SDAD1: variants seen among roughly 807,000 people sequenced by gnomAD.
SDAD1 encodes protein SDA1 homolog.
In SDAD1, 79 loss-of-function variants were observed where a neutral mutation model predicts 100.3. The observed-to-expected ratio is 0.79, with a 90% confidence interval of 0.66 to 0.95. The LOEUF (loss-of-function observed/expected upper bound fraction) is 0.95. SDAD1 is among the 40% of genes least tolerant of loss of function. The pLI, the probability that SDAD1 is intolerant of heterozygous loss-of-function variation, is 0.00. For synonymous variants in SDAD1, 267 were observed against 271.4 expected, an observed-to-expected ratio of 0.98 and a Z score of 0.16; for missense variants, 790 against 810.9, an observed-to-expected ratio of 0.97 and a Z score of 0.31.
Position 75,990,926 on chromosome 4 carries a change from G to C in SDAD1, c.-85C>G, listed in dbSNP as rs984069214. 115 of 1,535,788 alleles carry C rather than the reference G, an allele frequency of 7.5e-5. No individual in the cohort carries two copies. Among genetic ancestry groups the C allele is most frequent in the Non-Finnish European group, 9.5e-5 (106 of 1,115,656 alleles). ...CCGCAATCCCTGCCAGCTGCAGCTTGGACTCGTGTTTCCGGGTATGACCGG... is the reference window on the plus strand; with the variant it reads ...CCGCAATCCCTGCCAGCTGCAGCTTCGACTCGTGTTTCCGGGTATGACCGG... On this transcript the variant is annotated 5_prime_UTR_variant, in exon 1 of 22. Transcript: ENST00000356260.
Position 75,974,049 on chromosome 4 carries a change from C to G in SDAD1, c.636+27G>C, listed in dbSNP as rs753969820. The G allele has an allele frequency of 1.9e-6, 3 of 1,603,232 alleles. No homozygotes were observed. In the South Asian group the frequency reaches 3.3e-5, roughly 18 times the overall value. ...AGAAGCAGACCATCCACAGACAGAG[C>G]TTACACACAGCCCTATAGGTGCTCA... is the stretch of plus-strand genomic sequence containing the variant. On this transcript the variant is annotated intron_variant, in intron 7 of 21. Coordinates refer to ENST00000356260, the MANE Select transcript of SDAD1 (RefSeq NM_018115.4).
rs368304771 is a variant in SDAD1 at position 75,967,351 on chromosome 4, G to A, written c.988-17C>T. 8.8e-5 allele frequency: 141 copies of A among 1,611,314 alleles called. No individual in the cohort carries two copies. In the African/African-American group the frequency reaches 1.6e-3, roughly 19 times the overall value. On this transcript the variant is annotated splice_polypyrimidine_tract_variant and intron_variant, in intron 11 of 21. Coordinates refer to ENST00000356260, the MANE Select transcript of SDAD1 (RefSeq NM_018115.4). ...GAGGAAAAGCTGTGGAGAGAAAACC[G>A]ACTTTAATACTGATGCAGCTGACAC...
At position 75,960,170 on chromosome 4, in the gene SDAD1, A is replaced by G. The variant is rs764302142; in HGVS notation, c.1379T>C (p.Ile460Thr). Reference sequence around the variant, plus strand: ...TCCATATTCTTGTACTCTTGCTTCTATGGAGGCCTCTGTAGGCTTACCCTA... The same window carrying G: ...TCCATATTCTTGTACTCTTGCTTCTGTGGAGGCCTCTGTAGGCTTACCCTA... Reference protein sequence around the residue: ...KFRGKPTEASIEARVQEYGEL... With the variant: ...KFRGKPTEASTEARVQEYGEL... Residue 460 changes from isoleucine (I) to threonine (T), a missense_variant, in exon 17 of 22, where the codon ATA (isoleucine) becomes ACA (threonine). Transcript: ENST00000356260. 2.5e-6 allele frequency: 4 copies of G among 1,607,092 alleles called. No individual in the cohort carries two copies. The highest frequency in any genetic ancestry group is 1.1e-5 in the South Asian group (1 of 89,540).
At chr4:75,982,831 A>T (rs1414988561) in intron 1 of SDAD1, among the ~76,000 whole-genome samples, 3 of 148,052 alleles carry the variant, frequency 2.0e-5, no homozygotes, top group Non-Finnish European at 4.5e-5. Flanking sequence ...GTTCTGGTAT[A>T]CATGTGCAGA....
chr4:75,981,813 T>C lies in SDAD1; in HGVS notation c.195+120A>G, dbSNP rs115277105. 3,020 of 829,264 alleles carry C rather than the reference T, an allele frequency of 3.6e-3. 18 individuals are homozygous for C. The highest frequency in any genetic ancestry group is 5.2e-3 in the Middle Eastern group (14 of 2,678). 51.4% of individuals were successfully genotyped at this position (829,264 alleles called of 1,614,324 possible). A position where few individuals can be genotyped will look rare whatever the true frequency, so the allele number is the denominator to read the frequency against. ...AAATAAAATTTGCAAAAAGGGAAAG[T>C]TAGAAAAATATTTTAATTAAGTTCC... On this transcript the variant is annotated intron_variant, in intron 2 of 21. Transcript: ENST00000356260.
chr4:75,961,345 T>C, intron 14 of SDAD1, 37 bp from the exon 15 acceptor site: 1 of 1,467,580 alleles, frequency 6.8e-7, no homozygotes, highest in Non-Finnish European at 9.5e-7. Flanking sequence ...AGAGCCCGAA[T>C]AGCAATTTTT....
At chr4:75,965,199 C>G (rs973460738) in intron 13 of SDAD1, among the ~76,000 whole-genome samples, 28 of 152,238 alleles carry the variant, frequency 1.8e-4, no homozygotes, top group African/African-American at 6.7e-4. Flanking sequence ...GGACATCTGT[C>G]TTTTAAGGTT....
intron 1 of SDAD1, 122 bp from the exon 2 acceptor site, chr4:75,982,159 A>G (rs867396561): frequency 3.0e-5 from 18 of 605,468 alleles, no homozygotes; most frequent in South Asian, 3.0e-4. Context: ...AGATAATGCA[A>G]AAGTATATAA....
chr4:75,950,922 G>T, intron 21 of SDAD1, 125 bp from the exon 22 acceptor site: 1 of 572,198 alleles, frequency 1.7e-6, no homozygotes, highest in Non-Finnish European at 3.2e-6. Context: ...AACTATAAAT[G>T]ATAAAATATT....
rs755740389 is a variant in SDAD1 at position 75,990,771 on chromosome 4, G to A, written c.71C>T (p.Pro24Leu). The A allele has an allele frequency of 8.7e-6, 14 of 1,614,036 alleles. No homozygotes were observed. The highest frequency in any genetic ancestry group is 1.3e-5 in the African/African-American group (1 of 74,938). ...TCCCACCTCCTCGATGTAGGCCGGC[G>A]GGTCTCGCTTGATTAGATTCTGTAA... ...PQLQNLIKRD[P>L]PAYIEEFLQQ... The change falls in exon 1 of 22, where the codon CCG becomes CTG. Residue 24 changes from proline (P) to leucine (L), a missense_variant. By Grantham distance (98) the Pro-to-Leu change is moderately conservative. Coordinates refer to ENST00000356260, the MANE Select transcript of SDAD1 (RefSeq NM_018115.4).
chr4:75,950,710 A>C lies in SDAD1; in HGVS notation c.*40T>G, dbSNP rs1728581850. The C allele has an allele frequency of 6.9e-7, 1 of 1,459,028 alleles. No individual in the cohort carries two copies. Among genetic ancestry groups the C allele is most frequent in the African/African-American group, 1.4e-5 (1 of 71,826 alleles). The allele number at this position is 1,459,028 out of a possible 1,614,324, so 90.4% of individuals were successfully genotyped here. A position where few individuals can be genotyped will look rare whatever the true frequency, so the allele number is the denominator to read the frequency against. ...TACCAATTTTCAGAGCAAGGACACAAACTTAGCATTCTTCTAGGAATGGAA... is the reference window on the plus strand; with the variant it reads ...TACCAATTTTCAGAGCAAGGACACACACTTAGCATTCTTCTAGGAATGGAA... On this transcript the variant is annotated 3_prime_UTR_variant, in exon 22 of 22. Transcript: ENST00000356260.
rs1256830027 is a variant in SDAD1, at chr4:75,956,111, A to G, written c.1880T>C (p.Phe627Ser). 5.6e-6 allele frequency: 9 copies of G among 1,606,592 alleles called. No individual in the cohort carries two copies. The highest frequency in any genetic ancestry group is 7.6e-6 in the Non-Finnish European group (9 of 1,178,268). ...AMAGKTDRKE[F>S]VRKKTKTNPF... ...ATTTGTTTTGGTTTTCTTCCTCACA[A>G]ATTCTTTTCGGTCTGTCTTTCCAGC... The change falls in exon 21 of 22, where the codon TTT becomes TCT. Residue 627 changes from phenylalanine to serine, a missense_variant. Transcript: ENST00000356260.
rs889940979 is a variant in SDAD1 at position 75,955,868 on chromosome 4, A to G, written c.2016+107T>C. The G allele has an allele frequency of 8.3e-5, 105 of 1,270,658 alleles. No individual in the cohort carries two copies. The African/African-American group carries it at 1.3e-3, about 16-fold the overall frequency. 78.7% of individuals were successfully genotyped at this position (1,270,658 alleles called of 1,614,324 possible). A position where few individuals can be genotyped will look rare whatever the true frequency, so the allele number is the denominator to read the frequency against. On this transcript the variant is annotated intron_variant, in intron 21 of 21. Coordinates refer to ENST00000356260, the MANE Select transcript of SDAD1 (RefSeq NM_018115.4). ...TGCTCTCCAACAATGCTCCCAAGAC[A>G]CACACAATAATGCCCAGTCTTCAGA...
intron 3 of SDAD1, among the ~76,000 whole-genome samples, chr4:75,979,000 A>AAAAAAAAAAAAAAAAAAAAAAAAAAT (rs1730329875): frequency 6.7e-6 from 1 of 149,556 alleles, no homozygotes; most frequent in Non-Finnish European, 1.5e-5. Context: ...AAAAAAAAAA[A>AAAAAAAAAAAAAAAAAAAAAAAAAAT]AAAAAAAAAA....
At chr4:75,988,494 TTAAAAC>T (rs1731035112) in intron 1 of SDAD1, among the ~76,000 whole-genome samples, 1 of 152,186 alleles carries the variant, frequency 6.6e-6, no homozygotes, top group South Asian at 2.1e-4. Flanking sequence ...ACTATCCAAT[TTAAAAC>T]TGCAATACCC....
rs749948663 is a variant in SDAD1 at position 75,957,618 on chromosome 4, G to A, written c.1669C>T (p.Gln557Ter). The part of the protein sequence containing the change: ...TSRVLTQEDF[Q>*]KIRMAQMRKE... ...CTCATTTGGGCCATGCGGATTTTCT[G>A]GAAGTCTTCCTGAGTTAAAACTCGG... is the stretch of plus-strand genomic sequence containing the variant. Residue 557 changes from glutamine (Q) to a stop codon, truncating the protein, a stop_gained, in exon 19 of 22, where the codon CAG becomes TAG. Transcript: ENST00000356260. LOFTEE classifies it high-confidence loss of function. The A allele has an allele frequency of 1.9e-6, 3 of 1,614,140 alleles. No individual in the cohort carries two copies. Among genetic ancestry groups the A allele is most frequent in the Non-Finnish European group, 2.5e-6 (3 of 1,180,036 alleles).
At chr4:75,963,397 TTAAAG>T (rs1256667889) in intron 14 of SDAD1, among the ~76,000 whole-genome samples, 1 of 152,134 alleles carries the variant, frequency 6.6e-6, no homozygotes, top group Non-Finnish European at 1.5e-5. Flanking sequence ...CATATGAACT[TTAAAG>T]TAGTTTTTTC....
intron 17 of SDAD1, among the ~76,000 whole-genome samples, chr4:75,959,602 G>C (rs1489607242): frequency 6.7e-6 from 1 of 149,830 alleles, no homozygotes; most frequent in African/African-American, 2.5e-5. Context: ...ACTCCAACGT[G>C]AGGAAAAAAA....
chr4:75,961,545 A>G (rs1029996839), intron 14 of SDAD1, among the ~76,000 whole-genome samples: 1 of 152,136 alleles, frequency 6.6e-6, no homozygotes, highest in Non-Finnish European at 1.5e-5. Context: ...CCGGCACACT[A>G]AATCAGAGAA....
Sources: gnomAD v4.1 joint callset for allele counts (sites outside exome capture counted in the v4.1 genomes callset) on GRCh38, gnomAD v4.1.1 for gene constraint, MANE v1.5 for transcripts, NCBI Gene and HGNC (gene_info 2026-07-23, HGNC 2026-07-21) for gene names.